The following ERC2 variants were observed in gnomAD, a reference collection of about 807,000 sequenced individuals.
ERC2 encodes ELKS/RAB6-interacting/CAST family member 2.
Under a neutral mutation model 114.8 loss-of-function variants are expected in ERC2, and 42 were observed. That is an observed-to-expected ratio of 0.37 (90% CI 0.29 to 0.47). The LOEUF is 0.47. Among genes scored for constraint, ERC2 ranks in the 20% least tolerant of loss-of-function variants. ERC2 has a pLI of 0.99. For synonymous variants in ERC2, 454 were observed against 425.5 expected (o/e 1.07, Z -0.82); for missense variants, 939 against 1,150.7 (o/e 0.82, Z 2.66).
intron 6 of ERC2, among the ~76,000 whole-genome samples, chr3:56,103,114 AG>A (rs1284742093): frequency 1.3e-5 from 2 of 152,146 alleles, no homozygotes; most frequent in African/African-American, 2.4e-5. Flanking sequence ...TCCTGGAGGA[AG>A]GGATATTGAA....
At chr3:55,746,481 AC>A (rs1341986263) in intron 14 of ERC2, among the ~76,000 whole-genome samples, 1 of 152,100 alleles carries the variant, frequency 6.6e-6, no homozygotes, top group Non-Finnish European at 1.5e-5. Context: ...TGATCCGCCC[AC>A]CTCAGGTGAT....
intron 2 of ERC2, among the ~76,000 whole-genome samples, chr3:56,397,961 G>A (rs1159788559): frequency 6.6e-6 from 1 of 152,134 alleles, no homozygotes; most frequent in Non-Finnish European, 1.5e-5. Flanking sequence ...CCCTTTAACT[G>A]TAATTCCCAG....
At position 56,038,535 on chromosome 3, in the gene ERC2, A is replaced by G. The variant is rs567815961; in HGVS notation, c.1642-19504T>C. Among the ~76,000 whole-genome samples the G allele has an allele frequency of 3.3e-5, 5 of 152,306 alleles. No homozygotes were observed. In the East Asian group the frequency reaches 9.6e-4, roughly 29 times the overall value. On this transcript the variant is annotated intron_variant, in intron 7 of 17. Coordinates refer to ENST00000288221, the MANE Select transcript of ERC2 (RefSeq NM_015576.3). ...TGGAGGACAGTGTGGTGATTCCTCA[A>G]AGACCTAGAACCAGAAATACCATTT...
At chr3:56,203,502 C>T (rs925754157) in intron 3 of ERC2, among the ~76,000 whole-genome samples, 4 of 152,108 alleles carry the variant, frequency 2.6e-5, no homozygotes, top group Non-Finnish European at 4.4e-5. Context: ...AGCAATTTCA[C>T]TAAAATCTGC....
Position 56,029,980 on chromosome 3 carries a change from C to G in ERC2, c.1642-10949G>C, listed in dbSNP as rs1235337564. The stretch of plus-strand genomic sequence containing the variant: ...CTTACATTTTCTTCTCAGCACTGCT[C>G]TAGCTGCATCCCACACATTTTGATA... On this transcript the variant is annotated intron_variant, in intron 7 of 17. Transcript: ENST00000288221. 2.0e-5 allele frequency among the ~76,000 whole-genome samples: 3 copies of G among 152,258 alleles called. No homozygotes were observed. In the East Asian group the frequency reaches 5.8e-4, roughly 29 times the overall value.
At chr3:56,378,861 C>G (rs533915478) in intron 2 of ERC2, among the ~76,000 whole-genome samples, 22 of 152,280 alleles carry the variant, frequency 1.4e-4, no homozygotes, top group African/African-American at 5.3e-4. Flanking sequence ...TACCTCCATT[C>G]GAGAACCCTG....
At chr3:55,833,706 G>A (rs2060728333) in intron 14 of ERC2, among the ~76,000 whole-genome samples, 1 of 152,068 alleles carries the variant, frequency 6.6e-6, no homozygotes, top group Non-Finnish European at 1.5e-5. Flanking sequence ...ATCAACTAAC[G>A]AGCAAAATCA....
intron 13 of ERC2, among the ~76,000 whole-genome samples, chr3:55,910,591 A>C (rs944310785): frequency 3.9e-5 from 6 of 152,236 alleles, no homozygotes; most frequent in Non-Finnish European, 8.8e-5. Flanking sequence ...TTAACTAATA[A>C]GTATTAATAC....
At chr3:56,413,616 T>G (rs2107141055) in intron 2 of ERC2, among the ~76,000 whole-genome samples, 1 of 152,286 alleles carries the variant, frequency 6.6e-6, no homozygotes, top group East Asian at 1.9e-4. Context: ...AAAAGAACAG[T>G]GGCATTCAGA....
At chr3:55,701,511 A>G (rs1455551216) in intron 15 of ERC2, among the ~76,000 whole-genome samples, 1 of 152,190 alleles carries the variant, frequency 6.6e-6, no homozygotes, top group Non-Finnish European at 1.5e-5. Flanking sequence ...ATTTTTAAAA[A>G]TGTGTACAAT....
At chr3:55,588,300 G>A (rs538937947) in intron 17 of ERC2, among the ~76,000 whole-genome samples, 1 of 151,854 alleles carries the variant, frequency 6.6e-6, no homozygotes, top group South Asian at 2.1e-4. Flanking sequence ...CTTCCAACCA[G>A]GGCCTCCCCA....
chr3:56,437,348 G>A (rs954005369), intron 1 of ERC2, among the ~76,000 whole-genome samples: 4 of 152,358 alleles, frequency 2.6e-5, no homozygotes, highest in East Asian at 1.9e-4. Flanking sequence ...GCATGAGCGA[G>A]CCCAGCTGAG....
At chr3:56,418,260 C>T (rs1419123505) in intron 2 of ERC2, among the ~76,000 whole-genome samples, 1 of 148,330 alleles carries the variant, frequency 6.7e-6, no homozygotes, top group African/African-American at 2.5e-5. Context: ...ATTGCCACTG[C>T]ACCCCAGCCT....
At chr3:56,243,951 C>G (rs1359767468) in intron 3 of ERC2, among the ~76,000 whole-genome samples, 1 of 152,146 alleles carries the variant, frequency 6.6e-6, no homozygotes, top group Non-Finnish European at 1.5e-5. Flanking sequence ...TGGTGGAAGA[C>G]AAGGCTCAAC....
At chr3:55,689,102 G>T (rs879781576) in intron 16 of ERC2, among the ~76,000 whole-genome samples, 3 of 152,154 alleles carry the variant, frequency 2.0e-5, no homozygotes, top group Non-Finnish European at 4.4e-5. Flanking sequence ...AATCTGTGCA[G>T]CCTGGATTGG....
intron 6 of ERC2, among the ~76,000 whole-genome samples, chr3:56,103,282 G>C (rs931582939): frequency 3.3e-5 from 5 of 152,198 alleles, no homozygotes; most frequent in African/African-American, 1.2e-4. Context: ...AGTGGGGACA[G>C]TGGAGAGATG....
chr3:55,809,623 A>G (rs1310308498), intron 14 of ERC2, among the ~76,000 whole-genome samples: 1 of 152,200 alleles, frequency 6.6e-6, no homozygotes. Flanking sequence ...TAATAACCCC[A>G]TTAAAAAGTG....
intron 3 of ERC2, among the ~76,000 whole-genome samples, chr3:56,213,651 A>T (rs568637390): frequency 2.6e-5 from 4 of 152,358 alleles, no homozygotes; most frequent in African/African-American, 9.6e-5. Context: ...CCTGTCTGAC[A>T]GCTTGGAAGA....
At chr3:55,925,790 C>T (rs912663057) in intron 13 of ERC2, among the ~76,000 whole-genome samples, 8 of 152,124 alleles carry the variant, frequency 5.3e-5, no homozygotes, top group East Asian at 3.9e-4. Context: ...CAGAGACAAA[C>T]GACCATATGA....
Sources: gnomAD v4.1 joint callset for allele counts (sites outside exome capture counted in the v4.1 genomes callset) on GRCh38, gnomAD v4.1.1 for gene constraint, MANE v1.5 for transcripts, NCBI Gene and HGNC (gene_info 2026-07-23, HGNC 2026-07-21) for gene names.